Variants in MSI2 observed in about 807,000 individuals in gnomAD.
The protein encoded by MSI2 is RNA-binding protein Musashi homolog 2.
Under a neutral mutation model 45.6 loss-of-function variants are expected in MSI2, and 17 were observed. That is an observed-to-expected ratio of 0.37 (90% confidence interval 0.26 to 0.56). MSI2 has a LOEUF of 0.56. MSI2 is among the 20% of genes least tolerant of loss of function. The pLI, the probability that MSI2 is intolerant of heterozygous loss-of-function variation, is 0.77. For missense variants in MSI2, 293 were observed against 444.2 expected, an observed-to-expected ratio of 0.66 and a Z score of 3.06; for synonymous variants, 156 against 158.2, an observed-to-expected ratio of 0.99 and a Z score of 0.11.
At chr17:57,554,907 C>T (rs764647438) in intron 7 of MSI2, among the ~76,000 whole-genome samples, 1 of 152,262 alleles carries the variant, frequency 6.6e-6, no homozygotes, top group Non-Finnish European at 1.5e-5. Context: ...GCATGAGCAG[C>T]GCCTGCAGCC....
intron 11 of MSI2, among the ~76,000 whole-genome samples, chr17:57,674,682 G>T (rs982523823): frequency 2.0e-5 from 3 of 152,024 alleles, no homozygotes; most frequent in Non-Finnish European, 4.4e-5. Flanking sequence ...AGCACCTCCG[G>T]TTGGTTGCCG....
At position 57,490,049 on chromosome 17, in the gene MSI2, A is replaced by G. The variant is rs1215799878; in HGVS notation, c.406-39627A>G. Among the ~76,000 whole-genome samples, 3 of 152,200 alleles carry G rather than the reference A, an allele frequency of 2.0e-5. No individual in the cohort carries two copies. In the East Asian group the frequency reaches 5.8e-4, roughly 29 times the overall value. On this transcript the variant is annotated intron_variant, in intron 6 of 13. Transcript: ENST00000284073. ...AACCAAGAATATACCTAATGGTAAC[A>G]GGCAGTAGACCAAAGATCATGGACT... is the stretch of plus-strand genomic sequence containing the variant.
At chr17:57,405,540 C>A (rs2143136460) in intron 6 of MSI2, among the ~76,000 whole-genome samples, 1 of 152,236 alleles carries the variant, frequency 6.6e-6, no homozygotes, top group East Asian at 1.9e-4. Context: ...AATACGTTGT[C>A]AGTAGTAATA....
intron 6 of MSI2, among the ~76,000 whole-genome samples, chr17:57,480,792 G>A (rs1711993574): frequency 6.6e-6 from 1 of 152,212 alleles, no homozygotes; most frequent in African/African-American, 2.4e-5. Flanking sequence ...GCATGAGTTA[G>A]TTTTCATGCC....
chr17:57,277,903 G>C (rs1909013054), intron 5 of MSI2: 1 of 152,270 alleles, frequency 6.6e-6, no homozygotes, highest in African/African-American at 2.4e-5. Flanking sequence ...GACTAGATGG[G>C]ACCACATTGA....
At chr17:57,489,893 C>G (rs1292926493) in intron 6 of MSI2, among the ~76,000 whole-genome samples, 4 of 152,168 alleles carry the variant, frequency 2.6e-5, no homozygotes, top group African/African-American at 4.8e-5. Context: ...GCACTGCAAA[C>G]TCATGTTTTT....
chr17:57,332,861 TAA>T (rs979021033), intron 5 of MSI2, among the ~76,000 whole-genome samples: 1 of 152,000 alleles, frequency 6.6e-6, no homozygotes, highest in Non-Finnish European at 1.5e-5. Flanking sequence ...TCATCTCTAC[TAA>T]AAAGTACAAA....
At chr17:57,657,137 T>C (rs916625120) in intron 11 of MSI2, among the ~76,000 whole-genome samples, 1 of 151,998 alleles carries the variant, frequency 6.6e-6, no homozygotes, top group African/African-American at 2.4e-5. Context: ...AGAGAATGCG[T>C]AGAGATAGAG....
At chr17:57,579,933 A>G (rs1688934212) in intron 7 of MSI2, among the ~76,000 whole-genome samples, 3 of 152,164 alleles carry the variant, frequency 2.0e-5, no homozygotes, top group Admixed American at 1.3e-4. Context: ...TCCACTTACA[A>G]CCTTTTCTAC....
chr17:57,450,543 G>A (rs1261760206), intron 6 of MSI2, among the ~76,000 whole-genome samples: 1 of 151,736 alleles, frequency 6.6e-6, no homozygotes, highest in Non-Finnish European at 1.5e-5. Flanking sequence ...GGTGGTGCAT[G>A]CCTGTTATCC....
In MSI2 at chr17:57,684,294, C is replaced by T. The variant is rs1215708864; in HGVS notation, c.*4777C>T. On this transcript the variant is annotated 3_prime_UTR_variant, in exon 14 of 14. Transcript: ENST00000284073. ...TCCGAATTCCATATGTAATAGGATGCAAGTCTAAGCGTTTCATGTGGACAT... is the reference window on the plus strand; with the variant it reads ...TCCGAATTCCATATGTAATAGGATGTAAGTCTAAGCGTTTCATGTGGACAT... 1 of 199,282 alleles carries T rather than the reference C, an allele frequency of 5.0e-6. No homozygotes were observed. The highest frequency in any genetic ancestry group is 1.9e-4 in the South Asian group (1 of 5,254). The allele number at this position is 199,282 out of a possible 1,614,324, so 12.3% of individuals were successfully genotyped here. A position where few individuals can be genotyped will look rare whatever the true frequency, so the allele number is the denominator to read the frequency against.
chr17:57,372,228 G>A (rs1404619695), intron 5 of MSI2, among the ~76,000 whole-genome samples: 4 of 151,988 alleles, frequency 2.6e-5, no homozygotes, highest in Non-Finnish European at 4.4e-5. Flanking sequence ...TCTCTCTTTC[G>A]GGTTTATTTG....
At chr17:57,329,841 G>A (rs924515374) in intron 5 of MSI2, among the ~76,000 whole-genome samples, 16 of 152,216 alleles carry the variant, frequency 1.1e-4, no homozygotes, top group African/African-American at 3.1e-4. Flanking sequence ...CTGCCTGTCC[G>A]CCTGTTAATA....
chr17:57,408,298 A>G (rs1473610629), intron 6 of MSI2, among the ~76,000 whole-genome samples: 1 of 152,222 alleles, frequency 6.6e-6, no homozygotes, highest in Non-Finnish European at 1.5e-5. Flanking sequence ...GGCATCAGAC[A>G]TTATTATTGC....
At chr17:57,656,416 G>T (rs1911592748) in intron 11 of MSI2, among the ~76,000 whole-genome samples, 1 of 152,160 alleles carries the variant, frequency 6.6e-6, no homozygotes, top group Non-Finnish European at 1.5e-5. Context: ...AGGCCTACCA[G>T]CAAGACTCCT....
At chr17:57,422,054 TATCA>T (rs2084405715) in intron 6 of MSI2, among the ~76,000 whole-genome samples, 1 of 152,194 alleles carries the variant, frequency 6.6e-6, no homozygotes. Flanking sequence ...TGAAAGGAAC[TATCA>T]ATCCACTCAA....
At chr17:57,351,259 C>G (rs1375906439) in intron 5 of MSI2, among the ~76,000 whole-genome samples, 1 of 152,128 alleles carries the variant, frequency 6.6e-6, no homozygotes, top group Non-Finnish European at 1.5e-5. Flanking sequence ...GTAACTAGCA[C>G]ACCCACATTC....
intron 9 of MSI2, chr17:57,616,374 C>T: frequency 4.4e-6 from 1 of 227,692 alleles, no homozygotes; most frequent in Middle Eastern, 1.4e-3. Context: ...TTTTCCATCT[C>T]CTTCCTCAAA....
chr17:57,450,007 AGAGT>A (rs2084967929), intron 6 of MSI2: 1 of 152,332 alleles, frequency 6.6e-6, no homozygotes, highest in African/African-American at 2.4e-5. Context: ...GCCTGGCAAC[AGAGT>A]GAGACTCCAT....
Sources: gnomAD v4.1 joint callset for allele counts (sites outside exome capture counted in the v4.1 genomes callset) on GRCh38, gnomAD v4.1.1 for gene constraint, MANE v1.5 for transcripts, NCBI Gene and HGNC (gene_info 2026-07-23, HGNC 2026-07-21) for gene names.